The following POLK variants were observed in gnomAD, a reference collection of about 807,000 sequenced individuals.
The protein encoded by POLK is polymerase (DNA directed) kappa.
POLK carries 76 observed loss-of-function variants against 94.0 expected under a neutral mutation model. That is an observed-to-expected ratio of 0.81 (90% CI 0.67 to 0.98). POLK has a LOEUF of 0.98. Ranked by LOEUF, POLK falls within the 50% of genes least tolerant of loss-of-function variation. POLK has a pLI of 0.00. For missense variants in POLK, 954 were observed against 1,010.1 expected (o/e 0.94, Z 0.75); for synonymous variants, 349 against 325.4 (o/e 1.07, Z -0.78).
At chr5:75,562,415 A>G (rs538552668) in intron 3 of POLK, among the ~76,000 whole-genome samples, 1 of 152,302 alleles carries the variant, frequency 6.6e-6, no homozygotes, top group East Asian at 1.9e-4. Context: ...TTGGGCTGAG[A>G]CAATGGGGTT....
At chr5:75,578,474 T>TTTATTATAATG (rs1295204445) in intron 6 of POLK, among the ~76,000 whole-genome samples, 1 of 152,226 alleles carries the variant, frequency 6.6e-6, no homozygotes, top group East Asian at 1.9e-4. Context: ...GTTCTTTTCA[T>TTTATTATAATG]TTATTATAAT....
intron 1 of POLK, among the ~76,000 whole-genome samples, chr5:75,527,699 T>C (rs1053710992): frequency 1.3e-5 from 2 of 152,146 alleles, no homozygotes; most frequent in Admixed American, 6.5e-5. Context: ...TAATTCTTTT[T>C]ATAAGGTATC....
chr5:75,539,628 AT>A (rs371752742), intron 1 of POLK, among the ~76,000 whole-genome samples: 7,488 of 149,282 alleles, frequency 0.05, 556 homozygotes, highest in African/African-American at 0.17. Context: ...CCCACGTTTA[AT>A]TTTTTTTTTA....
At chr5:75,556,491 C>T (rs1050941255) in intron 3 of POLK, among the ~76,000 whole-genome samples, 18 of 151,664 alleles carry the variant, frequency 1.2e-4, no homozygotes, top group Admixed American at 1.1e-3. Context: ...CAGTATCTTT[C>T]ACAGAGCAGA....
At chr5:75,526,258 C>T (rs997749669) in intron 1 of POLK, among the ~76,000 whole-genome samples, 2 of 151,884 alleles carry the variant, frequency 1.3e-5, no homozygotes, top group Non-Finnish European at 2.9e-5. Context: ...GGGAAGAAAC[C>T]ACTGACAGTA....
At chr5:75,523,124 T>C (rs1214575956) in intron 1 of POLK, among the ~76,000 whole-genome samples, 1 of 152,204 alleles carries the variant, frequency 6.6e-6, no homozygotes, top group African/African-American at 2.4e-5. Context: ...ACTCTTTATC[T>C]TAAAGGTCAA....
chr5:75,514,422 G>A (rs188763467), intron 1 of POLK, among the ~76,000 whole-genome samples: 1 of 152,104 alleles, frequency 6.6e-6, no homozygotes, highest in African/African-American at 2.4e-5. Flanking sequence ...GATTAAAATT[G>A]GTCAGACACC....
intron 1 of POLK, among the ~76,000 whole-genome samples, chr5:75,518,557 A>G (rs981049908): frequency 1.3e-5 from 2 of 151,920 alleles, no homozygotes; most frequent in Admixed American, 6.6e-5. Flanking sequence ...AATTTCATCT[A>G]TCTTTTTGAA....
At chr5:75,515,702 G>A (rs1768289780) in intron 1 of POLK, among the ~76,000 whole-genome samples, 1 of 152,198 alleles carries the variant, frequency 6.6e-6, no homozygotes, top group Non-Finnish European at 1.5e-5. Context: ...CATAGTGACT[G>A]TACTAATTTA....
At chr5:75,608,390 T>C in the POLK span, among the ~76,000 whole-genome samples, 1 of 152,158 alleles carries the variant, frequency 6.6e-6, no homozygotes, top group Non-Finnish European at 1.5e-5. Context: ...GACTGGAGTC[T>C]CACTAAGTTG....
rs760872496 is a variant in POLK, at chr5:75,596,680, CAT to C, written c.1988_1989del (p.His663ArgfsTer7). ...AAACTTTAAAATGTTCTCGTGTTCA[CAT>C]GTTTCTGCTACCAAAGTTAACAAGA... On this transcript the variant is annotated frameshift_variant, in exon 13 of 15. Transcript: ENST00000241436. LOFTEE classifies it high-confidence loss of function. 2.5e-6 allele frequency: 4 copies of C among 1,613,832 alleles called. No homozygotes were observed. The South Asian group carries it at 3.3e-5, about 13-fold the overall frequency.
chr5:75,524,173 G>T (rs901606408), intron 1 of POLK, among the ~76,000 whole-genome samples: 1 of 152,040 alleles, frequency 6.6e-6, no homozygotes, highest in Non-Finnish European at 1.5e-5. Flanking sequence ...TGTAAAAAGG[G>T]CAGATAAGAG....
downstream of POLK, chr5:75,601,145 C>T (rs1423153851): frequency 6.6e-6 from 1 of 152,060 alleles, no homozygotes; most frequent in East Asian, 1.9e-4. Context: ...ATGGCAAAAA[C>T]TGCTTTCGTT....
Position 75,573,923 on chromosome 5 carries a change from C to T in POLK, c.540+54C>T, listed in dbSNP as rs5744640. The T allele has an allele frequency of 2.5e-3, 3,944 of 1,583,544 alleles. 90 individuals carry two copies. In the African/African-American group the frequency reaches 0.048, roughly 19 times the overall value. On this transcript the variant is annotated intron_variant, in intron 5 of 14. Transcript: ENST00000241436. ...GCTTTCACTGAGTTCCTGTCACCTA[C>T]AGAATCTCAAGTCCAAGTGCCTTAG... is the stretch of plus-strand genomic sequence containing the variant.
intron 3 of POLK, among the ~76,000 whole-genome samples, chr5:75,557,719 T>C (rs990717675): frequency 1.6e-4 from 25 of 152,360 alleles, no homozygotes; most frequent in African/African-American, 5.8e-4. Flanking sequence ...GTTGATCTTG[T>C]ACATATTTTG....
At position 75,569,555 on chromosome 5, in the gene POLK, C is replaced by T. The variant is rs1347299853; in HGVS notation, c.408+63C>T. On this transcript the variant is annotated intron_variant, in intron 4 of 14. Transcript: ENST00000241436. ...CGTACTCAAGTAAGCTTTACTGTTT[C>T]ATGAAGGGGGAATTCTTTATTGAGG... The T allele has an allele frequency of 3.6e-6, 5 of 1,376,698 alleles. No homozygotes were observed. In the East Asian group the frequency reaches 9.4e-5, roughly 26 times the overall value. The allele number at this position is 1,376,698 out of a possible 1,614,324, so 85.3% of individuals were successfully genotyped here. A position where few individuals can be genotyped will look rare whatever the true frequency, so the allele number is the denominator to read the frequency against.
intron 1 of POLK, among the ~76,000 whole-genome samples, chr5:75,526,571 T>C (rs945538833): frequency 6.7e-6 from 1 of 148,892 alleles, no homozygotes; most frequent in Non-Finnish European, 1.5e-5. Context: ...GGGTTTTTTT[T>C]TTGTTTTTTT....
chr5:75,566,319 C>T lies in POLK; in HGVS notation c.256-3021C>T, dbSNP rs118013601. On this transcript the variant is annotated intron_variant, in intron 3 of 14. Transcript: ENST00000241436. ...TGCTGGGCTCCGTGGGCGTGGGATC[C>T]GCTGAGCCAGACCACTCAGCTCCCT... Among the ~76,000 whole-genome samples, 319 of 152,308 alleles carry T rather than the reference C, an allele frequency of 2.1e-3. 1 individual carries two copies. The East Asian group carries it at 0.027, about 13-fold the overall frequency.
chr5:75,536,204 C>T (rs1769436495), intron 1 of POLK, among the ~76,000 whole-genome samples: 1 of 151,980 alleles, frequency 6.6e-6, no homozygotes, highest in African/African-American at 2.4e-5. Flanking sequence ...CTAGTCTGTT[C>T]CTGGGTCTTG....
Sources: allele counts gnomAD v4.1 joint callset (sites outside exome capture counted in the v4.1 genomes callset), GRCh38; gene constraint gnomAD v4.1.1; transcripts MANE v1.5; gene names NCBI Gene and HGNC (gene_info 2026-07-23, HGNC 2026-07-21).